Variants in DSCAM observed in about 807,000 individuals in gnomAD.
DSCAM encodes the protein DS cell adhesion molecule.
DSCAM carries 47 observed loss-of-function variants against 217.7 expected under a neutral mutation model. The ratio of observed to expected loss-of-function variants is 0.22; its 90% CI spans 0.17 to 0.28. The LOEUF (loss-of-function observed/expected upper bound fraction) is 0.28. Among genes scored for constraint, DSCAM ranks in the 10% least tolerant of loss-of-function variants. The pLI, the probability that DSCAM is intolerant of heterozygous loss-of-function variation, is 1.00. For missense variants in DSCAM, 2,080 were observed against 2,618.3 expected (o/e 0.79, Z 4.49); for synonymous variants, 1,056 against 1,015.3 (o/e 1.04, Z -0.76).
At chr21:40,072,643 C>T (rs185210127) in intron 27 of DSCAM, among the ~76,000 whole-genome samples, 244 of 152,214 alleles carry the variant, frequency 1.6e-3, no homozygotes, top group Non-Finnish European at 2.4e-3. Flanking sequence ...CCACCGCACC[C>T]GGCCTCTCCT....
chr21:40,153,384 C>T (rs1358229880), intron 16 of DSCAM, among the ~76,000 whole-genome samples: 1 of 152,132 alleles, frequency 6.6e-6, no homozygotes, highest in Non-Finnish European at 1.5e-5. Context: ...GCATACTTCA[C>T]CTGAGCTAAA....
intron 3 of DSCAM, among the ~76,000 whole-genome samples, chr21:40,634,450 G>A (rs1006946406): frequency 2.6e-5 from 4 of 152,178 alleles, no homozygotes; most frequent in South Asian, 2.1e-4. Context: ...GTGCACTTAC[G>A]GTTCTGTTTG....
intron 2 of DSCAM, among the ~76,000 whole-genome samples, chr21:40,703,035 A>T (rs1482340861): frequency 3.3e-5 from 5 of 152,162 alleles, no homozygotes; most frequent in East Asian, 1.9e-4. Flanking sequence ...GCAATTTTTT[A>T]AAAAATCTGA....
intron 1 of DSCAM, among the ~76,000 whole-genome samples, chr21:40,834,263 C>T (rs1403477608): frequency 4.0e-5 from 6 of 151,360 alleles, no homozygotes; most frequent in Admixed American, 2.6e-4. Context: ...AAAAATTAGC[C>T]GGGCATGGTG....
chr21:40,556,662 A>AGG (rs1170061435), intron 3 of DSCAM, among the ~76,000 whole-genome samples: 15 of 118,870 alleles, frequency 1.3e-4, no homozygotes, highest in East Asian at 5.4e-4. Flanking sequence ...TCAGAGAGAG[A>AGG]GAGGGGAGGT....
rs1308727866 is a variant in DSCAM, at chr21:40,752,115, A to G, written c.44-43344T>C. 2.6e-5 allele frequency among the ~76,000 whole-genome samples: 4 copies of G among 152,366 alleles called. No homozygotes were observed. The East Asian group carries it at 7.7e-4, about 29-fold the overall frequency. On this transcript the variant is annotated intron_variant, in intron 1 of 32. Coordinates refer to ENST00000400454, the MANE Select transcript of DSCAM (RefSeq NM_001389.5). ...TCATCTTTTCTTTTGCACTCCTGAC[A>G]GCACTTTGTACATGGTAATAATAAT...
At chr21:40,053,065 C>T (rs2088957983) in intron 29 of DSCAM, among the ~76,000 whole-genome samples, 2 of 152,216 alleles carry the variant, frequency 1.3e-5, no homozygotes. Context: ...CATACTGCAG[C>T]CCTGCCCTGA....
intron 3 of DSCAM, among the ~76,000 whole-genome samples, chr21:40,522,782 C>T (rs934521541): frequency 1.3e-5 from 2 of 152,146 alleles, no homozygotes; most frequent in African/African-American, 4.8e-5. Flanking sequence ...TGTTTCCATT[C>T]GCAACTCCAT....
chr21:40,479,107 G>C (rs2075961198), intron 3 of DSCAM, among the ~76,000 whole-genome samples: 1 of 152,194 alleles, frequency 6.6e-6, no homozygotes, highest in African/African-American at 2.4e-5. Context: ...GCTGTGCTAA[G>C]TGCTTCATTG....
rs532247466 is a variant in DSCAM at position 40,332,577 on chromosome 21, C to T, written c.1783+5524G>A. On this transcript the variant is annotated intron_variant, in intron 8 of 32. Transcript: ENST00000400454. The stretch of plus-strand genomic sequence containing the variant: ...GCAATTAGAACACGCAATTAAGCAC[C>T]GTTCAAGTTCAATGTGGCACCTAAA... 3.3e-5 allele frequency among the ~76,000 whole-genome samples: 5 copies of T among 152,222 alleles called. No individual in the cohort carries two copies. The South Asian group carries it at 6.2e-4, about 19-fold the overall frequency.
intron 2 of DSCAM, among the ~76,000 whole-genome samples, chr21:40,701,287 T>A (rs567330197): frequency 9.2e-5 from 14 of 152,314 alleles, no homozygotes; most frequent in Middle Eastern, 6.8e-3. Context: ...AAAGTGACGT[T>A]ATCTCCCTCA....
chr21:40,122,113 A>G (rs1439322611), intron 20 of DSCAM, among the ~76,000 whole-genome samples: 1 of 152,152 alleles, frequency 6.6e-6, no homozygotes, highest in East Asian at 1.9e-4. Flanking sequence ...CCCATCTAAC[A>G]ACACCTGTGT....
chr21:40,060,183 C>A (rs1351127053), intron 28 of DSCAM, among the ~76,000 whole-genome samples: 3 of 152,170 alleles, frequency 2.0e-5, no homozygotes, highest in African/African-American at 7.2e-5. Flanking sequence ...TTTACTCTTC[C>A]TAATTCATGC....
chr21:40,194,849 A>G (rs912173093), intron 11 of DSCAM, among the ~76,000 whole-genome samples: 1 of 152,134 alleles, frequency 6.6e-6, no homozygotes, highest in Non-Finnish European at 1.5e-5. Flanking sequence ...TGAAATTGGC[A>G]ATGGTGGTAG....
At chr21:40,765,454 AT>A (rs1161200017) in intron 1 of DSCAM, among the ~76,000 whole-genome samples, 5 of 152,076 alleles carry the variant, frequency 3.3e-5, no homozygotes, top group African/African-American at 1.2e-4. Flanking sequence ...TTTATTATGA[AT>A]TGTTTATTCT....
At chr21:40,736,686 T>C (rs750269181) in intron 1 of DSCAM, among the ~76,000 whole-genome samples, 4 of 152,214 alleles carry the variant, frequency 2.6e-5, no homozygotes, top group Non-Finnish European at 5.9e-5. Context: ...TCAAGGGTTT[T>C]AGGAGCTCCT....
intron 3 of DSCAM, among the ~76,000 whole-genome samples, chr21:40,598,440 C>A (rs895487511): frequency 6.8e-6 from 1 of 148,080 alleles, no homozygotes; most frequent in Non-Finnish European, 1.5e-5. Flanking sequence ...TGCCAAGAAG[C>A]GTGATTGCTG....
chr21:40,675,759 G>T (rs1002399626), intron 3 of DSCAM, among the ~76,000 whole-genome samples: 11 of 152,168 alleles, frequency 7.2e-5, no homozygotes, highest in African/African-American at 2.4e-4. Context: ...CTTCACAGAG[G>T]TTCTGATCCT....
At chr21:40,625,156 C>T (rs545388311) in intron 3 of DSCAM, among the ~76,000 whole-genome samples, 18 of 151,252 alleles carry the variant, frequency 1.2e-4, no homozygotes, top group Non-Finnish European at 2.4e-4. Flanking sequence ...AATGAGTAAC[C>T]TGAAAAAATG....
Sources: gnomAD v4.1 joint callset for allele counts (sites outside exome capture counted in the v4.1 genomes callset) on GRCh38, gnomAD v4.1.1 for gene constraint, MANE v1.5 for transcripts, NCBI Gene and HGNC (gene_info 2026-07-23, HGNC 2026-07-21) for gene names.